The following GALNT13 variants were observed in gnomAD, a reference collection of about 807,000 sequenced individuals.
GALNT13 encodes the protein polypeptide N-acetylgalactosaminyltransferase 13.
GALNT13 carries 28 observed loss-of-function variants against 64.2 expected under a neutral mutation model. The observed-to-expected ratio is 0.44, with a 90% CI of 0.32 to 0.60. The LOEUF (loss-of-function observed/expected upper bound fraction) is 0.60, where lower values mean the gene tolerates loss of function less well. GALNT13 is among the 20% of genes least tolerant of loss of function. The probability of loss-of-function intolerance (pLI) is 0.05; values close to 1 mark genes in which losing one functional copy is unlikely to be tolerated. For missense variants in GALNT13, 577 were observed against 669.8 expected, an observed-to-expected ratio of 0.86 and a Z score of 1.53; for synonymous variants, 214 against 224.6, an observed-to-expected ratio of 0.95 and a Z score of 0.42.
chr2:153,318,315 A>G, the GALNT13 span, among the ~76,000 whole-genome samples: 1 of 152,184 alleles, frequency 6.6e-6, no homozygotes, highest in Non-Finnish European at 1.5e-5. Flanking sequence ...TGTGGAACAG[A>G]TCTAAGCCAA....
the GALNT13 span, chr2:153,173,165 A>G: frequency 6.6e-6 from 1 of 152,270 alleles, no homozygotes; most frequent in East Asian, 1.9e-4. Flanking sequence ...GACATAAACC[A>G]TATGACTGTA....
chr2:153,738,992 T>C, the GALNT13 span, among the ~76,000 whole-genome samples: 2 of 152,022 alleles, frequency 1.3e-5, no homozygotes, highest in South Asian at 4.1e-4. Flanking sequence ...TGATCACACA[T>C]GCATCCATCT....
the GALNT13 span, among the ~76,000 whole-genome samples, chr2:153,528,892 C>A: frequency 1.3e-5 from 2 of 151,822 alleles, no homozygotes; most frequent in African/African-American, 4.8e-5. Context: ...AGAAACACAA[C>A]ATTTCACCAA....
chr2:153,554,723 C>G, the GALNT13 span, among the ~76,000 whole-genome samples: 1 of 150,858 alleles, frequency 6.6e-6, no homozygotes, highest in Non-Finnish European at 1.5e-5. Flanking sequence ...AAACTTTGTA[C>G]CTTCATTGTC....
At chr2:153,383,247 C>G in the GALNT13 span, among the ~76,000 whole-genome samples, 1 of 152,060 alleles carries the variant, frequency 6.6e-6, no homozygotes, top group African/African-American at 2.4e-5. Flanking sequence ...ATTTGAACAT[C>G]TCCTAAGTGC....
At chr2:154,354,404 CCTTTTTTTTTTTTT>C (rs1696597160) in intron 9 of GALNT13, among the ~76,000 whole-genome samples, 1 of 67,118 alleles carries the variant, frequency 1.5e-5, no homozygotes, top group Non-Finnish European at 2.8e-5. Context: ...TTGATGTAGT[CCTTTTTTTTTTTTT>C]TTTTTTTTTT....
At chr2:153,238,236 T>G in the GALNT13 span, among the ~76,000 whole-genome samples, 2 of 152,156 alleles carry the variant, frequency 1.3e-5, no homozygotes, top group Non-Finnish European at 2.9e-5. Flanking sequence ...TATTAATCCT[T>G]TGTCAGATGG....
the GALNT13 span, among the ~76,000 whole-genome samples, chr2:153,152,738 T>C: frequency 6.6e-6 from 1 of 152,208 alleles, no homozygotes; most frequent in African/African-American, 2.4e-5. Context: ...GGATATGATC[T>C]CCTTCCTTTT....
intron 9 of GALNT13, among the ~76,000 whole-genome samples, chr2:154,311,918 A>G (rs1694064505): frequency 1.3e-5 from 2 of 152,204 alleles, no homozygotes; most frequent in African/African-American, 2.4e-5. Context: ...GTCAGAGTTT[A>G]AGGTTATCTC....
At chr2:153,381,641 T>C in the GALNT13 span, among the ~76,000 whole-genome samples, 6 of 151,924 alleles carry the variant, frequency 3.9e-5, no homozygotes, top group Non-Finnish European at 7.4e-5. Flanking sequence ...AAAGATGAGA[T>C]CAGTAAGGTC....
At chr2:153,305,619 A>G in the GALNT13 span, among the ~76,000 whole-genome samples, 1 of 152,150 alleles carries the variant, frequency 6.6e-6, no homozygotes, top group Non-Finnish European at 1.5e-5. Flanking sequence ...TAAACCCTGG[A>G]TAGACCTTAC....
At chr2:153,210,804 T>C in the GALNT13 span, among the ~76,000 whole-genome samples, 1 of 152,224 alleles carries the variant, frequency 6.6e-6, no homozygotes, top group Non-Finnish European at 1.5e-5. Flanking sequence ...TATTAAGGTT[T>C]CTATTTCTTC....
rs191925533 is a variant in GALNT13 at position 154,344,908 on chromosome 2, A to T, written c.1156+43319A>T. ...GTAATTGTTGATGGGATCTATGCCC[A>T]CTGGAGGACACCTTAGGACTCCTCC... On this transcript the variant is annotated intron_variant, in intron 9 of 12. Coordinates refer to ENST00000392825, the MANE Select transcript of GALNT13 (RefSeq NM_052917.4). Among the ~76,000 whole-genome samples, 33 of 152,122 alleles carry T rather than the reference A, an allele frequency of 2.2e-4. No individual in the cohort carries two copies. In the East Asian group the frequency reaches 4.1e-3, roughly 19 times the overall value.
At chr2:154,235,695 G>A (rs1689157696) in intron 4 of GALNT13, among the ~76,000 whole-genome samples, 1 of 152,148 alleles carries the variant, frequency 6.6e-6, no homozygotes, top group Non-Finnish European at 1.5e-5. Flanking sequence ...CTCCAGTGTT[G>A]ACAGCCTTTG....
At chr2:153,871,160 A>T (rs1574008284), upstream of GALNT13, among the ~76,000 whole-genome samples, 1 of 152,186 alleles carries the variant, frequency 6.6e-6, no homozygotes, top group East Asian at 1.9e-4. Flanking sequence ...TGAGACATTC[A>T]TACGTCCAGG....
At chr2:153,919,399 C>A (rs1260072599) in intron 2 of GALNT13, among the ~76,000 whole-genome samples, 1 of 151,804 alleles carries the variant, frequency 6.6e-6, no homozygotes, top group Admixed American at 6.6e-5. Context: ...TTTGTGAATA[C>A]CACTATTTTT....
chr2:153,579,765 T>C, the GALNT13 span, among the ~76,000 whole-genome samples: 5 of 152,064 alleles, frequency 3.3e-5, no homozygotes, highest in Non-Finnish European at 5.9e-5. Flanking sequence ...CATTACATTC[T>C]CATTGGAGCA....
the GALNT13 span, among the ~76,000 whole-genome samples, chr2:153,685,800 T>C: frequency 1.3e-5 from 2 of 151,882 alleles, no homozygotes; most frequent in Admixed American, 1.3e-4. Context: ...GGTTTGGGGT[T>C]TTACATTTAA....
the GALNT13 span, among the ~76,000 whole-genome samples, chr2:153,330,419 G>T: frequency 2.6e-5 from 4 of 151,916 alleles, no homozygotes; most frequent in African/African-American, 4.8e-5. Context: ...TCCTCCATTT[G>T]TTTGTGTCAT....
Sources: allele counts gnomAD v4.1 joint callset (sites outside exome capture counted in the v4.1 genomes callset), GRCh38; gene constraint gnomAD v4.1.1; transcripts MANE v1.5; gene names NCBI Gene and HGNC (gene_info 2026-07-23, HGNC 2026-07-21).